Variants in GSDMC observed in about 807,000 individuals in gnomAD.
The protein encoded by GSDMC is gasdermin-C.
A neutral mutation model predicts 58.0 loss-of-function variants in GSDMC; 59 were observed. The observed-to-expected ratio is 1.02, with a 90% CI of 0.82 to 1.26. The LOEUF is 1.26. Ranked by LOEUF, GSDMC falls within the 50% of genes most tolerant of loss-of-function variation. The pLI is 0.00. For missense variants in GSDMC, 659 were observed against 598.5 expected, an observed-to-expected ratio of 1.10 and a Z score of -1.06; for synonymous variants, 241 against 220.2, an observed-to-expected ratio of 1.09 and a Z score of -0.83.
At position 129,752,534 on chromosome 8, in the gene GSDMC, C is replaced by T. The variant is rs559956983; in HGVS notation, c.844+164G>A. ...CAAAGGGGGTCAGGGATCAGCAGTG[C>T]CTAAGTTCTAAGCAAAAAAACACTG... is the stretch of plus-strand genomic sequence containing the variant. On this transcript the variant is annotated intron_variant, in intron 7 of 13. Coordinates refer to ENST00000276708, the MANE Select transcript of GSDMC (RefSeq NM_031415.3). Among the ~76,000 whole-genome samples, 145 of 152,208 alleles carry T rather than the reference C, an allele frequency of 9.5e-4. No individual in the cohort carries two copies. In the Middle Eastern group the frequency reaches 0.014, roughly 14 times the overall value.
At chr8:129,725,480 G>C in the GSDMC span, among the ~76,000 whole-genome samples, 1 of 152,146 alleles carries the variant, frequency 6.6e-6, no homozygotes, top group African/African-American at 2.4e-5. Context: ...CCCCTCCAGA[G>C]CCAGGGAGCA....
chr8:129,744,267 T>A (rs1489957039), downstream of GSDMC, among the ~76,000 whole-genome samples: 1 of 152,168 alleles, frequency 6.6e-6, no homozygotes, highest in Non-Finnish European at 1.5e-5. Context: ...AAAACAGTTG[T>A]TTAGTATATT....
At chr8:129,713,254 C>T in the GSDMC span, among the ~76,000 whole-genome samples, 3 of 152,196 alleles carry the variant, frequency 2.0e-5, no homozygotes, top group Non-Finnish European at 4.4e-5. Flanking sequence ...ACAGCAAAGC[C>T]ATCCTGAAAC....
chr8:129,758,188 T>C (rs2033516515), intron 6 of GSDMC, among the ~76,000 whole-genome samples: 1 of 152,104 alleles, frequency 6.6e-6, no homozygotes, highest in South Asian at 2.1e-4. Flanking sequence ...AAAAACCCTT[T>C]AAAAACCAGG....
the GSDMC span, among the ~76,000 whole-genome samples, chr8:129,707,429 G>T: frequency 6.6e-6 from 1 of 151,988 alleles, no homozygotes; most frequent in Non-Finnish European, 1.5e-5. Flanking sequence ...CATGGTGAGG[G>T]TTTTGTATTT....
the GSDMC span, among the ~76,000 whole-genome samples, chr8:129,735,068 C>T: frequency 6.6e-6 from 1 of 152,140 alleles, no homozygotes; most frequent in African/African-American, 2.4e-5. Flanking sequence ...AAGGCCATTA[C>T]ATAACAGTAA....
intron 6 of GSDMC, among the ~76,000 whole-genome samples, chr8:129,758,145 G>C (rs1252531487): frequency 6.6e-6 from 1 of 152,066 alleles, no homozygotes; most frequent in Non-Finnish European, 1.5e-5. Context: ...ATGCTAAAAA[G>C]GTATTTCATA....
At chr8:129,763,217 G>C (rs982326529) in intron 4 of GSDMC, among the ~76,000 whole-genome samples, 2 of 152,044 alleles carry the variant, frequency 1.3e-5, no homozygotes, top group African/African-American at 4.8e-5. Context: ...TTGAGACCTT[G>C]TACATCTAAA....
intron 3 of GSDMC, among the ~76,000 whole-genome samples, chr8:129,775,215 A>G (rs887259930): frequency 6.6e-6 from 1 of 152,208 alleles, no homozygotes; most frequent in Non-Finnish European, 1.5e-5. Context: ...TGTGTATACG[A>G]CGGAATATTA....
Position 129,752,836 on chromosome 8 carries a change from G to T in GSDMC, c.722-16C>A. 6.2e-7 allele frequency: 1 copy of T among 1,614,060 alleles called. No individual in the cohort carries two copies. On this transcript the variant is annotated splice_polypyrimidine_tract_variant and intron_variant, in intron 6 of 13. Coordinates refer to ENST00000276708, the MANE Select transcript of GSDMC (RefSeq NM_031415.3). Reference sequence around the variant, plus strand: ...ATTTCGTACTCTTGGGAGAGAGGGAGAGCAGAATGACTGGGTAACTTTACA... The same window carrying T: ...ATTTCGTACTCTTGGGAGAGAGGGATAGCAGAATGACTGGGTAACTTTACA...
At chr8:129,783,298 A>T (rs1586626177) in intron 1 of GSDMC, among the ~76,000 whole-genome samples, 1 of 152,144 alleles carries the variant, frequency 6.6e-6, no homozygotes, top group East Asian at 1.9e-4. Flanking sequence ...GGAAGAAGTC[A>T]AATTGTCCTT....
intron 6 of GSDMC, 117 bp from the exon 7 acceptor site, chr8:129,752,937 G>A (rs1239337173): frequency 6.6e-7 from 1 of 1,503,802 alleles, no homozygotes; most frequent in Non-Finnish European, 9.0e-7. Flanking sequence ...CACGAAGGGA[G>A]CATTTGAACA....
Position 129,776,302 on chromosome 8 carries a change from C to T in GSDMC, c.221-17G>A, listed in dbSNP as rs4733741. On this transcript the variant is annotated splice_polypyrimidine_tract_variant and intron_variant, in intron 2 of 13. Coordinates refer to ENST00000276708, the MANE Select transcript of GSDMC (RefSeq NM_031415.3). ...CAACAGTTTCTGGGGAAAGAAAAGA[C>T]GACCATAGGTTTAGCCAAGAATTCA... 599,376 of 1,575,052 alleles carry T rather than the reference C, an allele frequency of 0.38. 127,578 individuals are homozygous for T. The highest frequency in any genetic ancestry group is 0.83 in the African/African-American group (61,191 of 73,436).
chr8:129,771,256 G>A (rs925347661), intron 3 of GSDMC, among the ~76,000 whole-genome samples: 18 of 151,148 alleles, frequency 1.2e-4, no homozygotes, highest in Admixed American at 7.9e-4. Flanking sequence ...TAATGGCCAC[G>A]TCCCCCAGAA....
At chr8:129,767,544 G>A in intron 3 of GSDMC, among the ~76,000 whole-genome samples, 1 of 99,060 alleles carries the variant, frequency 1.0e-5, no homozygotes, top group East Asian at 2.1e-4. Flanking sequence ...TACACATGTG[G>A]GCTCTGTGGG....
chr8:129,762,690 C>G lies in GSDMC; in HGVS notation c.612G>C (p.Ala204=), dbSNP rs371164178. Residue 204 remains alanine, a synonymous_variant, in exon 5 of 14, where the codon GCG becomes GCC. Transcript: ENST00000276708. ...TCACCATGCCTTTCTGAAGAGTCAG[C>G]GCCTTCTTCTTCACTCTGAGACTCT... ...QGESLRVKKK[A]LTLQKGMVMA... 2 of 1,613,838 alleles carry G rather than the reference C, an allele frequency of 1.2e-6. No homozygotes were observed. Among genetic ancestry groups the G allele is most frequent in the Admixed American group, 3.3e-5 (2 of 60,020 alleles).
At chr8:129,718,473 A>T in the GSDMC span, among the ~76,000 whole-genome samples, 1 of 152,334 alleles carries the variant, frequency 6.6e-6, no homozygotes, top group Non-Finnish European at 1.5e-5. Flanking sequence ...TCAAAACCAC[A>T]ATGAGATACT....
chr8:129,782,599 G>A (rs1380896886), intron 1 of GSDMC, among the ~76,000 whole-genome samples: 1 of 152,058 alleles, frequency 6.6e-6, no homozygotes, highest in Non-Finnish European at 1.5e-5. Flanking sequence ...CAATAAATTG[G>A]AAAATCTAGA....
the GSDMC span, among the ~76,000 whole-genome samples, chr8:129,733,279 A>G: frequency 0.6 from 91,897 of 152,130 alleles, 30,582 homozygotes; most frequent in African/African-American, 0.88. Flanking sequence ...AGACTTAAAC[A>G]TCCCTGTCTG....
Sources: gnomAD v4.1 joint callset for allele counts (sites outside exome capture counted in the v4.1 genomes callset) on GRCh38, gnomAD v4.1.1 for gene constraint, MANE v1.5 for transcripts, NCBI Gene and HGNC (gene_info 2026-07-23, HGNC 2026-07-21) for gene names.